Variants in GPC5 observed in about 807,000 individuals in gnomAD.
GPC5 encodes glypican 5.
GPC5 carries 47 observed loss-of-function variants against 53.9 expected under a neutral mutation model. The ratio of observed to expected loss-of-function variants is 0.87; its 90% CI spans 0.69 to 1.11. GPC5 has a LOEUF of 1.11. GPC5 is among the 50% of genes most tolerant of loss of function. GPC5 has a pLI of 0.00. For synonymous variants in GPC5, 286 were observed against 263.3 expected (o/e 1.09, Z -0.84); for missense variants, 748 against 713.1 (o/e 1.05, Z -0.56).
chr13:92,110,086 T>C (rs1410770569), intron 6 of GPC5, among the ~76,000 whole-genome samples: 1 of 152,180 alleles, frequency 6.6e-6, no homozygotes, highest in East Asian at 1.9e-4. Context: ...AAAGAGAGAC[T>C]ACTCTAGTTA....
intron 7 of GPC5, among the ~76,000 whole-genome samples, chr13:92,540,078 GT>G (rs1881884708): frequency 6.6e-6 from 1 of 151,870 alleles, no homozygotes; most frequent in South Asian, 2.1e-4. Context: ...TTATGTGACT[GT>G]TTATAGATGT....
chr13:92,391,136 A>AATTAT (rs1417670520), intron 7 of GPC5, among the ~76,000 whole-genome samples: 2 of 152,132 alleles, frequency 1.3e-5, no homozygotes, highest in African/African-American at 4.8e-5. Flanking sequence ...ACATTTAGAA[A>AATTAT]AATCTCCTCA....
intron 7 of GPC5, among the ~76,000 whole-genome samples, chr13:92,452,569 C>CA (rs146288892): frequency 0.16 from 21,200 of 130,228 alleles, 1,909 homozygotes; most frequent in East Asian, 0.47. Flanking sequence ...ATGATTACTC[C>CA]AAAAAAAACA....
chr13:92,159,960 T>A lies in GPC5; in HGVS notation c.1561+14971T>A, dbSNP rs141214630. The stretch of plus-strand genomic sequence containing the variant: ...CCCTGTCACCCAGGCTGGAGTGCAA[T>A]GGCCCCATCTCGGTTCACTGCAACC... On this transcript the variant is annotated intron_variant, in intron 7 of 7. Coordinates refer to ENST00000377067, the MANE Select transcript of GPC5 (RefSeq NM_004466.6). Among the ~76,000 whole-genome samples the A allele has an allele frequency of 4.8e-3, 736 of 151,872 alleles. 10 individuals are homozygous for A. The highest frequency in any genetic ancestry group is 0.016 in the African/African-American group (663 of 41,414).
At chr13:92,646,721 A>G (rs535500825) in intron 7 of GPC5, among the ~76,000 whole-genome samples, 1 of 152,148 alleles carries the variant, frequency 6.6e-6, no homozygotes, top group African/African-American at 2.4e-5. Flanking sequence ...AATTTCCAGT[A>G]CACAAATCTT....
At chr13:92,811,904 A>G (rs937052967) in intron 7 of GPC5, among the ~76,000 whole-genome samples, 2 of 151,970 alleles carry the variant, frequency 1.3e-5, no homozygotes, top group African/African-American at 2.4e-5. Context: ...TCAAAAATCA[A>G]TTGACCATAA....
chr13:92,848,561 G>A (rs998170200), intron 7 of GPC5, among the ~76,000 whole-genome samples: 4 of 152,102 alleles, frequency 2.6e-5, no homozygotes, highest in African/African-American at 9.7e-5. Context: ...TTAAAATCAA[G>A]TAGATGGGAT....
At chr13:92,800,346 C>T (rs1195530147) in intron 7 of GPC5, among the ~76,000 whole-genome samples, 1 of 151,804 alleles carries the variant, frequency 6.6e-6, no homozygotes, top group Non-Finnish European at 1.5e-5. Flanking sequence ...TTTACAAGAA[C>T]CAAACACAAA....
At chr13:91,947,633 C>T (rs982117036) in intron 6 of GPC5, among the ~76,000 whole-genome samples, 5 of 99,044 alleles carry the variant, frequency 5.0e-5, no homozygotes, top group Non-Finnish European at 1.3e-4. Context: ...GCTAGTAGAG[C>T]AGTTGAGAGC....
At chr13:91,747,306 C>T (rs1445999880) in intron 4 of GPC5, among the ~76,000 whole-genome samples, 3 of 152,038 alleles carry the variant, frequency 2.0e-5, no homozygotes, top group Non-Finnish European at 4.4e-5. Context: ...TATTTTGTAC[C>T]ACGTGATGTA....
At chr13:92,797,819 TGATAGATA>T (rs10553721) in intron 7 of GPC5, among the ~76,000 whole-genome samples, 11,786 of 143,492 alleles carry the variant, frequency 0.082, 491 homozygotes, top group Admixed American at 0.1. Context: ...ATTCAAGGGA[TGATAGATA>T]GATAGATAGA....
intron 7 of GPC5, among the ~76,000 whole-genome samples, chr13:92,216,426 G>T (rs955212541): frequency 6.6e-6 from 1 of 152,074 alleles, no homozygotes; most frequent in African/African-American, 2.4e-5. Context: ...AAAGTTAGGG[G>T]TTTATAGAGG....
At chr13:91,799,053 T>C (rs564101010) in intron 5 of GPC5, among the ~76,000 whole-genome samples, 3 of 152,154 alleles carry the variant, frequency 2.0e-5, no homozygotes, top group Admixed American at 6.5e-5. Context: ...TACCGTACTA[T>C]TCACAATAGC....
At chr13:92,379,630 TCTGTGTCCTCTGCATAGTTCTTCC>T (rs2043722701) in intron 7 of GPC5, among the ~76,000 whole-genome samples, 1 of 152,008 alleles carries the variant, frequency 6.6e-6, no homozygotes, top group Non-Finnish European at 1.5e-5. Context: ...TTAGTTCCTC[TCTGTGTCCTCTGCATAGTTCTTCC>T]CTGTGCCCCC....
chr13:92,745,026 A>T (rs73623326), intron 7 of GPC5, among the ~76,000 whole-genome samples: 84 of 152,166 alleles, frequency 5.5e-4, no homozygotes, highest in Middle Eastern at 3.4e-3. Flanking sequence ...CATATCAATA[A>T]CTGTAAAATT....
chr13:91,855,196 T>C (rs1184677600), intron 5 of GPC5, among the ~76,000 whole-genome samples: 2 of 151,754 alleles, frequency 1.3e-5, no homozygotes, highest in Non-Finnish European at 3.0e-5. Context: ...TTACCTTCTG[T>C]ACAGGTGAGT....
chr13:92,682,293 C>G (rs16951951), intron 7 of GPC5, among the ~76,000 whole-genome samples: 7,557 of 152,178 alleles, frequency 0.05, 223 homozygotes, highest in South Asian at 0.1. Context: ...ACATTGTGCT[C>G]TCTCTCTCCC....
At chr13:92,208,989 A>G (rs1251960160) in intron 7 of GPC5, among the ~76,000 whole-genome samples, 1 of 151,304 alleles carries the variant, frequency 6.6e-6, no homozygotes. Context: ...TTCTCTGACC[A>G]CAGTGAAAAC....
intron 6 of GPC5, among the ~76,000 whole-genome samples, chr13:91,938,371 C>G (rs1490517462): frequency 6.6e-6 from 1 of 152,130 alleles, no homozygotes; most frequent in East Asian, 1.9e-4. Context: ...AGAGTGAGAA[C>G]TCACTCATTA....
Sources: gnomAD v4.1 joint callset for allele counts (sites outside exome capture counted in the v4.1 genomes callset) on GRCh38, gnomAD v4.1.1 for gene constraint, MANE v1.5 for transcripts, NCBI Gene and HGNC (gene_info 2026-07-23, HGNC 2026-07-21) for gene names.